WDPCP: variants seen among roughly 807,000 people sequenced by gnomAD.
WDPCP encodes WD repeat-containing and planar cell polarity effector protein fritz homolog.
A neutral mutation model predicts 93.1 loss-of-function variants in WDPCP; 71 were observed. The observed-to-expected ratio is 0.76, with a 90% CI of 0.63 to 0.93. WDPCP has a LOEUF of 0.93. Ranked by LOEUF, WDPCP falls within the 40% of genes least tolerant of loss-of-function variation. WDPCP has a pLI of 0.00. For synonymous variants in WDPCP, 315 were observed against 315.0 expected, an observed-to-expected ratio of 1.00 and a Z score of 0.00; for missense variants, 844 against 887.4, an observed-to-expected ratio of 0.95 and a Z score of 0.62.
chr2:63,763,875 G>GA (rs1340569325), intron 2 of WDPCP, among the ~76,000 whole-genome samples: 1 of 152,120 alleles, frequency 6.6e-6, no homozygotes, highest in African/African-American at 2.4e-5. Flanking sequence ...GTGTTGGGGG[G>GA]AGGGTCACAG....
chr2:63,292,546 C>G (rs535648571), intron 13 of WDPCP, among the ~76,000 whole-genome samples: 1 of 152,268 alleles, frequency 6.6e-6, no homozygotes, highest in East Asian at 1.9e-4. Context: ...CCATTTAGCC[C>G]TTAATCTCAC....
At chr2:63,820,778 C>T (rs1291017682) in intron 1 of WDPCP, among the ~76,000 whole-genome samples, 1 of 151,944 alleles carries the variant, frequency 6.6e-6, no homozygotes, top group East Asian at 1.9e-4. Context: ...TATTTCTATG[C>T]TTTATACGCT....
intron 13 of WDPCP, among the ~76,000 whole-genome samples, chr2:63,285,302 CG>C (rs1683901069): frequency 6.6e-6 from 1 of 151,870 alleles, no homozygotes; most frequent in Non-Finnish European, 1.5e-5. Flanking sequence ...GGTGTGGTGG[CG>C]GGTGGCTGTA....
intron 15 of WDPCP, among the ~76,000 whole-genome samples, chr2:63,157,062 T>A (rs7585542): frequency 0.014 from 2,121 of 151,168 alleles, 46 homozygotes; most frequent in African/African-American, 0.048. Context: ...TTTTTTTTTT[T>A]AATTATGAAT....
chr2:63,729,589 C>T lies in WDPCP; in HGVS notation n.309-78751G>A, dbSNP rs1253810510. Among the ~76,000 whole-genome samples, 3 of 152,136 alleles carry T rather than the reference C, an allele frequency of 2.0e-5. No individual in the cohort carries two copies. The East Asian group carries it at 5.8e-4, about 29-fold the overall frequency. On this transcript the variant is annotated intron_variant and non_coding_transcript_variant, in intron 2 of 4. Coordinates refer to the WDPCP transcript ENST00000467687. Reference sequence around the variant, plus strand: ...TGAACCCTGCTGCCTCCTGATAGCACATCAGGTGATTTCACCTTCATGCCA... The same window carrying T: ...TGAACCCTGCTGCCTCCTGATAGCATATCAGGTGATTTCACCTTCATGCCA...
At position 63,404,348 on chromosome 2, in the gene WDPCP, A is replaced by G. The variant is rs1339571496; in HGVS notation, c.1135T>C (p.Leu379=). Residue 379 remains leucine (L), a synonymous_variant, in exon 10 of 18, where the codon TTG becomes CTG. Transcript: ENST00000272321. The part of the protein sequence containing the change: ...RVTLLAQTEL[L]PSLISCHPSG... ...GGGTGGCAGCTTATTAATGAAGGCA[A>G]AAGTTCAGTCTGTGCTAAGAGAGTC... is the stretch of plus-strand genomic sequence containing the variant. 1.2e-6 allele frequency: 2 copies of G among 1,614,170 alleles called. No homozygotes were observed. Among genetic ancestry groups the G allele is most frequent in the South Asian group, 1.1e-5 (1 of 91,074 alleles).
intron 12 of WDPCP, among the ~76,000 whole-genome samples, chr2:63,325,690 T>C (rs987998600): frequency 1.3e-5 from 2 of 152,166 alleles, no homozygotes; most frequent in East Asian, 3.9e-4. Context: ...TGCCTGAAAG[T>C]CCCATACCCT....
intron 2 of WDPCP, among the ~76,000 whole-genome samples, chr2:63,678,021 A>G (rs904829864): frequency 6.6e-6 from 1 of 152,206 alleles, no homozygotes; most frequent in Non-Finnish European, 1.5e-5. Flanking sequence ...AAGTCTGTGT[A>G]TCATTTAGGA....
At chr2:63,459,535 CAAGA>C (rs778571275) in intron 6 of WDPCP, among the ~76,000 whole-genome samples, 18 of 152,014 alleles carry the variant, frequency 1.2e-4, no homozygotes, top group Non-Finnish European at 2.4e-4. Flanking sequence ...AACATGCTGG[CAAGA>C]AAGAAAAGGG....
intron 2 of WDPCP, among the ~76,000 whole-genome samples, chr2:63,687,331 G>A (rs1056425101): frequency 6.6e-6 from 1 of 152,180 alleles, no homozygotes; most frequent in African/African-American, 2.4e-5. Flanking sequence ...TGGACAAATG[G>A]TATCACATGA....
chr2:63,363,601 A>G (rs1190743217), intron 12 of WDPCP, among the ~76,000 whole-genome samples: 1 of 152,152 alleles, frequency 6.6e-6, no homozygotes, highest in Non-Finnish European at 1.5e-5. Flanking sequence ...CTCAAAAAAT[A>G]TATAGAGTAT....
At chr2:63,521,000 C>A (rs1227088927) in intron 1 of WDPCP, among the ~76,000 whole-genome samples, 1 of 151,358 alleles carries the variant, frequency 6.6e-6, no homozygotes, top group African/African-American at 2.4e-5. Context: ...GACAAGCAAA[C>A]TCTAAGGGAA....
At chr2:63,282,840 T>A (rs1683676336) in intron 13 of WDPCP, among the ~76,000 whole-genome samples, 1 of 152,152 alleles carries the variant, frequency 6.6e-6, no homozygotes, top group South Asian at 2.1e-4. Context: ...TCATGTCCTT[T>A]ATATAAAATG....
At chr2:63,518,303 C>G (rs531598512) in intron 1 of WDPCP, 1 of 152,560 alleles carries the variant, frequency 6.6e-6, no homozygotes, top group African/African-American at 2.4e-5. Context: ...AGGGAAGACA[C>G]AAATCCTGAT....
intron 1 of WDPCP, among the ~76,000 whole-genome samples, chr2:63,498,017 T>C (rs1390416342): frequency 6.6e-6 from 1 of 151,974 alleles, no homozygotes; most frequent in Non-Finnish European, 1.5e-5. Context: ...GCACATGGCA[T>C]AGAACTGTAA....
chr2:63,828,905 A>AT (rs1247199660), upstream of WDPCP, among the ~76,000 whole-genome samples: 2 of 152,056 alleles, frequency 1.3e-5, no homozygotes, highest in African/African-American at 4.8e-5. Flanking sequence ...ATTGACTATC[A>AT]TTTTTTTACT....
At chr2:63,184,755 T>A (rs1255679775) in intron 14 of WDPCP, among the ~76,000 whole-genome samples, 1 of 152,218 alleles carries the variant, frequency 6.6e-6, no homozygotes, top group Non-Finnish European at 1.5e-5. Flanking sequence ...TTTGCATGTC[T>A]AAATCTCTTA....
chr2:63,832,901 T>C, the WDPCP span, among the ~76,000 whole-genome samples: 2 of 152,170 alleles, frequency 1.3e-5, no homozygotes, highest in African/African-American at 4.8e-5. Context: ...GATATGGCAA[T>C]ACAGGGAATA....
chr2:63,213,431 C>A (rs1038318846), intron 14 of WDPCP, among the ~76,000 whole-genome samples: 4 of 152,124 alleles, frequency 2.6e-5, no homozygotes, highest in African/African-American at 9.7e-5. Context: ...CCAATGAGAA[C>A]AAACACACAA....
Sources: allele counts gnomAD v4.1 joint callset (sites outside exome capture counted in the v4.1 genomes callset), GRCh38; gene constraint gnomAD v4.1.1; transcripts MANE v1.5; gene names NCBI Gene and HGNC (gene_info 2026-07-23, HGNC 2026-07-21).